The following AGBL1 variants were observed in gnomAD, a reference collection of about 807,000 sequenced individuals.
AGBL1 encodes the protein cytosolic carboxypeptidase 4.
Under a neutral mutation model 118.9 loss-of-function variants are expected in AGBL1, and 130 were observed. The ratio of observed to expected loss-of-function variants is 1.09; its 90% CI spans 0.95 to 1.26. AGBL1 has a LOEUF of 1.26. AGBL1 is among the 50% of genes most tolerant of loss of function. The probability of loss-of-function intolerance (pLI) is 0.00; values close to 1 mark genes in which losing one functional copy is unlikely to be tolerated. For synonymous variants in AGBL1, 555 were observed against 478.9 expected (o/e 1.16, Z -2.08); for missense variants, 1,584 against 1,298.1 (o/e 1.22, Z -3.38).
chr15:86,327,029 T>A (rs1174910274), intron 17 of AGBL1, among the ~76,000 whole-genome samples: 1 of 151,558 alleles, frequency 6.6e-6, no homozygotes, highest in East Asian at 1.9e-4. Context: ...GGAGGAACAG[T>A]CATTAAAGGG....
intron 24 of AGBL1, among the ~76,000 whole-genome samples, chr15:86,994,311 C>CTA (rs75980506): frequency 2.0e-4 from 28 of 143,468 alleles, no homozygotes; most frequent in African/African-American, 5.9e-4. Flanking sequence ...CTCTCTCTCT[C>CTA]TATATATATA....
chr15:86,976,925 T>C (rs780262002), intron 23 of AGBL1, among the ~76,000 whole-genome samples: 1 of 152,066 alleles, frequency 6.6e-6, no homozygotes, highest in Non-Finnish European at 1.5e-5. Context: ...AATGTCTTCA[T>C]ATATATTTCA....
chr15:86,802,402 A>G (rs983928989), intron 22 of AGBL1, among the ~76,000 whole-genome samples: 2 of 152,072 alleles, frequency 1.3e-5, no homozygotes, highest in African/African-American at 2.4e-5. Flanking sequence ...AGGGACTCAA[A>G]TATTTCTTAC....
chr15:86,983,075 G>A (rs1336235251), intron 23 of AGBL1, among the ~76,000 whole-genome samples: 1 of 151,690 alleles, frequency 6.6e-6, no homozygotes, highest in Non-Finnish European at 1.5e-5. Flanking sequence ...TTTTGTTTTT[G>A]TTTTGTTTTT....
chr15:86,867,057 T>C (rs985138492), intron 22 of AGBL1, among the ~76,000 whole-genome samples: 3 of 152,088 alleles, frequency 2.0e-5, no homozygotes, highest in African/African-American at 7.2e-5. Context: ...AGTGTGGCTG[T>C]GGCATGGAGT....
intron 21 of AGBL1, among the ~76,000 whole-genome samples, chr15:86,669,475 T>G (rs1431587508): frequency 1.3e-5 from 2 of 152,202 alleles, no homozygotes; most frequent in Non-Finnish European, 2.9e-5. Context: ...TTTGATTTCC[T>G]TGACAGAGGT....
chr15:86,313,627 A>G (rs145640752), intron 17 of AGBL1, among the ~76,000 whole-genome samples: 7 of 152,322 alleles, frequency 4.6e-5, no homozygotes, highest in African/African-American at 1.7e-4. Flanking sequence ...CAGCCTGGCA[A>G]TCAGCTTAAT....
intron 5 of AGBL1, among the ~76,000 whole-genome samples, chr15:86,162,129 T>C (rs564981381): frequency 1.7e-4 from 26 of 152,284 alleles, no homozygotes; most frequent in African/African-American, 5.5e-4. Flanking sequence ...AACTAAGACA[T>C]ACCCAAATGA....
At chr15:86,715,619 A>G (rs529957475) in intron 22 of AGBL1, among the ~76,000 whole-genome samples, 1 of 152,322 alleles carries the variant, frequency 6.6e-6, no homozygotes, top group South Asian at 2.1e-4. Flanking sequence ...GAGGAAGAAG[A>G]TAGCTTGGTG....
At chr15:86,417,711 G>A (rs2081715631) in intron 18 of AGBL1, among the ~76,000 whole-genome samples, 1 of 152,170 alleles carries the variant, frequency 6.6e-6, no homozygotes, top group African/African-American at 2.4e-5. Context: ...AAGAGTGTGT[G>A]TGCAGTAGAA....
intron 1 of AGBL1, among the ~76,000 whole-genome samples, chr15:86,097,092 G>C (rs923143104): frequency 6.6e-6 from 1 of 152,158 alleles, no homozygotes; most frequent in African/African-American, 2.4e-5. Context: ...TCACCATCAG[G>C]AGCAGAGTTT....
At chr15:86,438,465 C>CA (rs2082024540) in intron 18 of AGBL1, among the ~76,000 whole-genome samples, 2 of 152,122 alleles carry the variant, frequency 1.3e-5, no homozygotes, top group Non-Finnish European at 1.5e-5. Context: ...CCTTATCCCC[C>CA]AATTCCTCTA....
chr15:86,095,776 G>A (rs1038591528), intron 1 of AGBL1, among the ~76,000 whole-genome samples: 2 of 151,030 alleles, frequency 1.3e-5, no homozygotes, highest in Non-Finnish European at 2.9e-5. Context: ...GGGAGACCTT[G>A]GAGGAACATG....
intron 1 of AGBL1, among the ~76,000 whole-genome samples, chr15:86,120,212 T>G (rs2141576157): frequency 6.6e-6 from 1 of 152,300 alleles, no homozygotes; most frequent in East Asian, 1.9e-4. Context: ...TATGTTGCAA[T>G]GTTCTTTTGC....
intron 21 of AGBL1, among the ~76,000 whole-genome samples, chr15:86,624,767 C>T (rs990502971): frequency 2.0e-5 from 3 of 152,126 alleles, no homozygotes. Flanking sequence ...TCACAACTGC[C>T]CCAGGGACTC....
intron 22 of AGBL1, among the ~76,000 whole-genome samples, chr15:86,730,629 T>C (rs1310469874): frequency 1.3e-5 from 2 of 152,196 alleles, no homozygotes; most frequent in Non-Finnish European, 2.9e-5. Context: ...CTTGACTATG[T>C]GTCCCCATGT....
intron 18 of AGBL1, among the ~76,000 whole-genome samples, chr15:86,470,258 G>C (rs2082462527): frequency 6.6e-6 from 1 of 152,128 alleles, no homozygotes; most frequent in South Asian, 2.1e-4. Context: ...TATAATGTGA[G>C]ATACAGGTCC....
intron 22 of AGBL1, among the ~76,000 whole-genome samples, chr15:86,872,540 G>A (rs67052718): frequency 6.6e-6 from 1 of 152,078 alleles, no homozygotes; most frequent in Admixed American, 6.5e-5. Flanking sequence ...CAGAACACAA[G>A]GTCAGGAGTT....
At chr15:86,145,045 A>G (rs962304348) in intron 3 of AGBL1, among the ~76,000 whole-genome samples, 3 of 152,110 alleles carry the variant, frequency 2.0e-5, no homozygotes, top group African/African-American at 7.2e-5. Flanking sequence ...CTTGGACTAT[A>G]GATGCATCAC....
Sources: gnomAD v4.1 joint callset for allele counts (sites outside exome capture counted in the v4.1 genomes callset) on GRCh38, gnomAD v4.1.1 for gene constraint, MANE v1.5 for transcripts, NCBI Gene and HGNC (gene_info 2026-07-23, HGNC 2026-07-21) for gene names.